The following GALNT13 variants were observed in gnomAD, a reference collection of about 807,000 sequenced individuals.
GALNT13 encodes the protein polypeptide N-acetylgalactosaminyltransferase 13, also known as UDP-GalNAc:polypeptide N-acetylgalactosaminyltransferase 13.
Under a neutral mutation model 64.2 loss-of-function variants are expected in GALNT13, and 28 were observed. That is an observed-to-expected ratio of 0.44 (90% CI 0.32 to 0.60). The LOEUF is 0.60. GALNT13 is among the 20% of genes least tolerant of loss of function. GALNT13 has a pLI of 0.05. For missense variants in GALNT13, 577 were observed against 669.8 expected, an observed-to-expected ratio of 0.86 and a Z score of 1.53; for synonymous variants, 214 against 224.6, an observed-to-expected ratio of 0.95 and a Z score of 0.42.
the GALNT13 span, among the ~76,000 whole-genome samples, chr2:153,386,669 T>A: frequency 6.6e-6 from 1 of 152,060 alleles, no homozygotes; most frequent in Non-Finnish European, 1.5e-5. Context: ...GTTAAATTAA[T>A]CACTGCTGAC....
At chr2:153,860,876 A>T in the GALNT13 span, among the ~76,000 whole-genome samples, 1 of 152,200 alleles carries the variant, frequency 6.6e-6, no homozygotes, top group Non-Finnish European at 1.5e-5. Flanking sequence ...TGCAAATGAT[A>T]GGAGTAGTAA....
the GALNT13 span, among the ~76,000 whole-genome samples, chr2:153,634,862 G>A: frequency 1.4e-4 from 22 of 151,814 alleles, no homozygotes; most frequent in African/African-American, 5.3e-4. Context: ...AATCTTTACT[G>A]AGCACAAATT....
the GALNT13 span, among the ~76,000 whole-genome samples, chr2:153,543,188 A>G: frequency 6.6e-6 from 1 of 152,158 alleles, no homozygotes; most frequent in African/African-American, 2.4e-5. Flanking sequence ...CAATACCCAT[A>G]TATAAGATTG....
At chr2:153,712,563 C>T in the GALNT13 span, among the ~76,000 whole-genome samples, 11 of 152,186 alleles carry the variant, frequency 7.2e-5, no homozygotes, top group East Asian at 3.9e-4. Flanking sequence ...ATTATGGTAG[C>T]GTAGAAAAGT....
the GALNT13 span, among the ~76,000 whole-genome samples, chr2:153,214,948 A>G: frequency 1.4e-4 from 21 of 152,086 alleles, no homozygotes; most frequent in African/African-American, 5.1e-4. Context: ...AACTAAGCTA[A>G]GATGATCTTT....
chr2:154,342,650 G>T (rs1441832303), intron 9 of GALNT13, among the ~76,000 whole-genome samples: 1 of 151,948 alleles, frequency 6.6e-6, no homozygotes, highest in Non-Finnish European at 1.5e-5. Flanking sequence ...TGTTATGTAT[G>T]ACTGTCTCAA....
intron 1 of GALNT13, among the ~76,000 whole-genome samples, chr2:153,883,734 A>ATT (rs1342356808): frequency 2.6e-5 from 4 of 152,098 alleles, no homozygotes; most frequent in Admixed American, 2.6e-4. Context: ...GGAGTATTTA[A>ATT]AAAGACAAAA....
At chr2:154,132,804 A>G (rs1006165887) in intron 3 of GALNT13, among the ~76,000 whole-genome samples, 3 of 151,938 alleles carry the variant, frequency 2.0e-5, no homozygotes, top group Non-Finnish European at 4.4e-5. Flanking sequence ...CTAAGGCAGA[A>G]GAATTGCTTG....
At chr2:153,746,546 A>G in the GALNT13 span, among the ~76,000 whole-genome samples, 2 of 152,174 alleles carry the variant, frequency 1.3e-5, no homozygotes, top group African/African-American at 4.8e-5. Context: ...ACACTAATGA[A>G]CATCTGGGTG....
At chr2:154,156,711 A>C (rs1047629356) in intron 4 of GALNT13, among the ~76,000 whole-genome samples, 1 of 152,298 alleles carries the variant, frequency 6.6e-6, no homozygotes. Flanking sequence ...ACACCAAAGA[A>C]TATAAAAGGG....
chr2:153,772,134 G>T, the GALNT13 span, among the ~76,000 whole-genome samples: 1 of 152,120 alleles, frequency 6.6e-6, no homozygotes, highest in Non-Finnish European at 1.5e-5. Flanking sequence ...TTCAATTCTG[G>T]CTGTGAGCAT....
chr2:154,223,271 C>T (rs1349441465), intron 4 of GALNT13, among the ~76,000 whole-genome samples: 1 of 151,916 alleles, frequency 6.6e-6, no homozygotes, highest in Non-Finnish European at 1.5e-5. Flanking sequence ...TAAATAAACA[C>T]ACACCATGTT....
the GALNT13 span, among the ~76,000 whole-genome samples, chr2:153,484,766 A>G: frequency 9.2e-5 from 14 of 152,318 alleles, no homozygotes; most frequent in African/African-American, 2.2e-4. Flanking sequence ...AAATGATTCA[A>G]TAGTCTAGCC....
chr2:154,277,780 A>G (rs568541172), intron 8 of GALNT13, among the ~76,000 whole-genome samples: 1 of 152,182 alleles, frequency 6.6e-6, no homozygotes, highest in African/African-American at 2.4e-5. Flanking sequence ...AATATTTACA[A>G]CATTTTCAAA....
the GALNT13 span, among the ~76,000 whole-genome samples, chr2:153,396,808 G>A: frequency 6.6e-6 from 1 of 152,122 alleles, no homozygotes; most frequent in African/African-American, 2.4e-5. Context: ...AATGTGAGGA[G>A]AATTTCAGTT....
chr2:153,800,045 GCTCTCTCTCTCTCTCTCTCT>G, the GALNT13 span, among the ~76,000 whole-genome samples: 15 of 118,930 alleles, frequency 1.3e-4, no homozygotes, highest in African/African-American at 3.1e-4. Flanking sequence ...CATTTAGTTT[GCTCTCTCTCTCTCTCTCTCT>G]CTCTCTCTCT....
intron 2 of GALNT13, among the ~76,000 whole-genome samples, chr2:153,923,975 A>T (rs1030748771): frequency 6.6e-6 from 1 of 151,996 alleles, no homozygotes; most frequent in Admixed American, 6.6e-5. Context: ...AGTCTTTGCT[A>T]TTGTGAATAG....
intron 9 of GALNT13, among the ~76,000 whole-genome samples, chr2:154,381,036 A>G (rs1458481272): frequency 1.3e-5 from 2 of 152,050 alleles, no homozygotes; most frequent in Admixed American, 6.6e-5. Flanking sequence ...TAATATAATC[A>G]TCAAAGTGAC....
chr2:154,435,039 C>G (rs1303592728), intron 11 of GALNT13, among the ~76,000 whole-genome samples: 1 of 152,158 alleles, frequency 6.6e-6, no homozygotes, highest in Non-Finnish European at 1.5e-5. Flanking sequence ...TGCTTCTAGT[C>G]AGCTTAATCA....
Sources: gnomAD v4.1 joint callset for allele counts (sites outside exome capture counted in the v4.1 genomes callset) on GRCh38, gnomAD v4.1.1 for gene constraint, MANE v1.5 for transcripts, NCBI Gene and HGNC (gene_info 2026-07-23, HGNC 2026-07-21) for gene names.